The following TEKT3 variants were observed in gnomAD, a reference collection of about 807,000 sequenced individuals.
TEKT3 encodes tektin 3.
TEKT3 carries 49 observed loss-of-function variants against 49.8 expected under a neutral mutation model. That is an observed-to-expected ratio of 0.98 (90% CI 0.78 to 1.25). The LOEUF (loss-of-function observed/expected upper bound fraction) is 1.25, where lower values mean the gene tolerates loss of function less well. Among genes scored for constraint, TEKT3 ranks in the 50% most tolerant of loss-of-function variants. The probability of loss-of-function intolerance (pLI) is 0.00; values close to 1 mark genes in which losing one functional copy is unlikely to be tolerated. For missense variants in TEKT3, 595 were observed against 629.5 expected (o/e 0.95, Z 0.59); for synonymous variants, 225 against 237.2 (o/e 0.95, Z 0.47).
intron 5 of TEKT3, among the ~76,000 whole-genome samples, chr17:15,315,636 A>C (rs902910499): frequency 2.0e-5 from 3 of 151,584 alleles, no homozygotes; most frequent in Admixed American, 2.0e-4. Context: ...ATGGAATTCC[A>C]TCAACTAAGA....
Position 15,304,898 on chromosome 17 carries a change from G to A in TEKT3, c.1257-746C>T, listed in dbSNP as rs770172625. Among the ~76,000 whole-genome samples the A allele has an allele frequency of 2.6e-5, 4 of 152,092 alleles. No individual in the cohort carries two copies. The highest frequency in any genetic ancestry group is 7.2e-5 in the African/African-American group (3 of 41,424). On this transcript the variant is annotated intron_variant, in intron 8 of 8. Transcript: ENST00000395930. This position sits in a 1 kb window ranked among gnomAD's most constrained non-coding sequence, Gnocchi z 4.7. ...CTTCCGGAAGTCCCTCCCTTAAACC[G>A]GAAACCATCTGCTGCCCAGTGTTGT...
chr17:15,342,373 G>A (rs778072055), upstream of TEKT3, among the ~76,000 whole-genome samples: 2 of 152,204 alleles, frequency 1.3e-5, no homozygotes, highest in Non-Finnish European at 2.9e-5. Context: ...CTAACCGTGT[G>A]AGCAGCAAGA....
chr17:15,335,612 C>A lies in TEKT3; in HGVS notation c.-29-3998G>T, dbSNP rs78894141. ...TTAACTACCTGACATCAAGACACTC[C>A]AATATGTAACATCACAATGTCCAGC... On this transcript the variant is annotated intron_variant, in intron 2 of 8. Transcript: ENST00000395930. Among the ~76,000 whole-genome samples, 433 of 152,250 alleles carry A rather than the reference C, an allele frequency of 2.8e-3. 4 individuals carry two copies. The highest frequency in any genetic ancestry group is 0.022 in the East Asian group (116 of 5,188).
At chr17:15,329,610 C>T (rs1300680487) in intron 3 of TEKT3, among the ~76,000 whole-genome samples, 2 of 152,180 alleles carry the variant, frequency 1.3e-5, no homozygotes, top group Non-Finnish European at 2.9e-5. Flanking sequence ...TGAATTAATT[C>T]AAAAAGATCA....
chr17:15,326,955 A>G (rs1911518300), intron 4 of TEKT3, among the ~76,000 whole-genome samples: 1 of 152,320 alleles, frequency 6.6e-6, no homozygotes, highest in African/African-American at 2.4e-5. Context: ...CTGGATGGCA[A>G]TTTGGCTACA....
upstream of TEKT3, among the ~76,000 whole-genome samples, chr17:15,343,611 A>C (rs1912296947): frequency 2.0e-5 from 3 of 152,246 alleles, no homozygotes; most frequent in Admixed American, 1.3e-4. Context: ...AGAGGGACTC[A>C]GTCAATGTTT....
chr17:15,314,330 C>A (rs1019493940), intron 5 of TEKT3, 100 bp from the exon 6 acceptor site: 1 of 1,447,288 alleles, frequency 6.9e-7, no homozygotes, highest in Non-Finnish European at 9.5e-7. Context: ...CTCACTGTTG[C>A]TCTCACCATC....
At chr17:15,330,429 T>C (rs1405100879) in intron 3 of TEKT3, among the ~76,000 whole-genome samples, 1 of 152,122 alleles carries the variant, frequency 6.6e-6, no homozygotes, top group Non-Finnish European at 1.5e-5. Context: ...GCACCGTCCC[T>C]TCGGCGCTGT....
At chr17:15,336,218 A>C (rs1005831025) in intron 2 of TEKT3, among the ~76,000 whole-genome samples, 2 of 152,102 alleles carry the variant, frequency 1.3e-5, no homozygotes, top group Non-Finnish European at 2.9e-5. Flanking sequence ...AAATTTGAAA[A>C]TCAGACAGGA....
chr17:15,310,047 G>A (rs767398215), intron 7 of TEKT3, among the ~76,000 whole-genome samples: 50 of 152,054 alleles, frequency 3.3e-4, no homozygotes, highest in Non-Finnish European at 6.2e-4. Context: ...CTTGAGCTTC[G>A]ACCTCTCTCC....
At chr17:15,306,334 A>G (rs776424545) in intron 8 of TEKT3, among the ~76,000 whole-genome samples, 1 of 152,140 alleles carries the variant, frequency 6.6e-6, no homozygotes, top group Non-Finnish European at 1.5e-5. Flanking sequence ...TTCTAAATCT[A>G]GACCGCCGAA....
chr17:15,338,280 A>C (rs2150755818), intron 2 of TEKT3, among the ~76,000 whole-genome samples: 1 of 152,296 alleles, frequency 6.6e-6, no homozygotes, highest in South Asian at 2.1e-4. Context: ...AAACTGATTA[A>C]AGAAGAGTTA....
At chr17:15,325,606 C>G (rs945578964) in intron 4 of TEKT3, among the ~76,000 whole-genome samples, 1 of 152,136 alleles carries the variant, frequency 6.6e-6, no homozygotes, top group African/African-American at 2.4e-5. Context: ...GTGATTCTAA[C>G]ATGTAGTCAG....
intron 4 of TEKT3, among the ~76,000 whole-genome samples, chr17:15,319,609 C>T (rs1597409850): frequency 6.6e-6 from 1 of 152,318 alleles, no homozygotes; most frequent in South Asian, 2.1e-4. Flanking sequence ...GAAGACAGTG[C>T]TTGGGTCCAA....
chr17:15,328,720 G>A (rs1911589546), intron 3 of TEKT3, among the ~76,000 whole-genome samples: 1 of 152,102 alleles, frequency 6.6e-6, no homozygotes, highest in African/African-American at 2.4e-5. Context: ...ACATTAAACA[G>A]TAGACCCAAA....
At chr17:15,332,592 T>A (rs919161626) in intron 2 of TEKT3, among the ~76,000 whole-genome samples, 1 of 152,132 alleles carries the variant, frequency 6.6e-6, no homozygotes, top group African/African-American at 2.4e-5. Context: ...CAAACGCAGC[T>A]CGAGGCAAGT....
intron 7 of TEKT3, among the ~76,000 whole-genome samples, chr17:15,310,028 A>T (rs1910705705): frequency 6.6e-6 from 1 of 152,066 alleles, no homozygotes; most frequent in African/African-American, 2.4e-5. Context: ...GGCACTCTTC[A>T]ATCTGTCACT....
intron 6 of TEKT3, among the ~76,000 whole-genome samples, 174 bp downstream of exon 6, chr17:15,313,913 A>G (rs1165359680): frequency 1.3e-5 from 2 of 152,240 alleles, no homozygotes; most frequent in Non-Finnish European, 2.9e-5. Flanking sequence ...TGCAATTATC[A>G]AGGTCTGACC....
chr17:15,337,485 C>A (rs1220347681), intron 2 of TEKT3, among the ~76,000 whole-genome samples: 3 of 152,124 alleles, frequency 2.0e-5, no homozygotes, highest in Admixed American at 1.3e-4. Flanking sequence ...TTTTAAATAG[C>A]AATATTGAAC....
Sources: allele counts gnomAD v4.1 joint callset (sites outside exome capture counted in the v4.1 genomes callset), GRCh38; gene constraint gnomAD v4.1.1; non-coding constraint Gnocchi (gnomAD v3.1); transcripts MANE v1.5; gene names NCBI Gene and HGNC (gene_info 2026-07-23, HGNC 2026-07-21).